FAF1: variants seen among roughly 807,000 people sequenced by gnomAD.
FAF1 encodes Fas associated factor 1, also known as FAS-associated factor 1.
A neutral mutation model predicts 92.5 loss-of-function variants in FAF1; 25 were observed. The ratio of observed to expected loss-of-function variants is 0.27; its 90% CI spans 0.20 to 0.38. The LOEUF (loss-of-function observed/expected upper bound fraction) is 0.38. Among genes scored for constraint, FAF1 ranks in the 10% least tolerant of loss-of-function variants. The pLI, the probability that FAF1 is intolerant of heterozygous loss-of-function variation, is 1.00. For synonymous variants in FAF1, 234 were observed against 273.2 expected, an observed-to-expected ratio of 0.86 and a Z score of 1.42; for missense variants, 636 against 793.3, an observed-to-expected ratio of 0.80 and a Z score of 2.38.
At chr1:50,621,999 C>T (rs1227222625) in intron 8 of FAF1, among the ~76,000 whole-genome samples, 1 of 151,844 alleles carries the variant, frequency 6.6e-6, no homozygotes, top group African/African-American at 2.4e-5. Context: ...AACCCAGTCT[C>T]TACTAAAAAT....
intron 7 of FAF1, among the ~76,000 whole-genome samples, chr1:50,676,563 G>A (rs1326135600): frequency 6.6e-6 from 1 of 152,142 alleles, no homozygotes; most frequent in African/African-American, 2.4e-5. Context: ...GCTCATGCCT[G>A]TAATCCCAGC....
chr1:50,717,397 T>C (rs1658221836), intron 6 of FAF1, among the ~76,000 whole-genome samples: 1 of 152,198 alleles, frequency 6.6e-6, no homozygotes, highest in Admixed American at 6.6e-5. Flanking sequence ...GAGGACACAA[T>C]GAGAAGGTGA....
intron 8 of FAF1, among the ~76,000 whole-genome samples, chr1:50,608,158 GA>G (rs1159187818): frequency 6.6e-6 from 1 of 152,208 alleles, no homozygotes; most frequent in Non-Finnish European, 1.5e-5. Flanking sequence ...AAATTTCTAG[GA>G]AAAGGGGGAT....
intron 9 of FAF1, among the ~76,000 whole-genome samples, chr1:50,591,019 A>G (rs1029454333): frequency 6.6e-6 from 1 of 151,612 alleles, no homozygotes; most frequent in East Asian, 1.9e-4. Flanking sequence ...GGTCATTCTT[A>G]TCTTGTTCCT....
At chr1:50,817,541 GA>G (rs1000249579) in intron 2 of FAF1, among the ~76,000 whole-genome samples, 1 of 152,176 alleles carries the variant, frequency 6.6e-6, no homozygotes, top group Non-Finnish European at 1.5e-5. Context: ...TTTAAAAGAT[GA>G]AAAGAGTTAG....
At chr1:50,560,360 G>C (rs1649844918) in intron 13 of FAF1, among the ~76,000 whole-genome samples, 1 of 152,236 alleles carries the variant, frequency 6.6e-6, no homozygotes, top group South Asian at 2.1e-4. Context: ...AGCAGCGGAA[G>C]TTTGCAGTGA....
rs995177877 is a variant in FAF1, at chr1:50,883,767, T to C, written c.46-25770A>G. Among the ~76,000 whole-genome samples, 10 of 152,328 alleles carry C rather than the reference T, an allele frequency of 6.6e-5. No homozygotes were observed. The South Asian group carries it at 2.1e-3, about 32-fold the overall frequency. ...TTCAGCATAACTAGGAAATTTTCAGTGTTGCCTGGATTTTAGAAGATATTA... is the reference window on the plus strand; with the variant it reads ...TTCAGCATAACTAGGAAATTTTCAGCGTTGCCTGGATTTTAGAAGATATTA... On this transcript the variant is annotated intron_variant, in intron 1 of 18. Coordinates refer to ENST00000396153, the MANE Select transcript of FAF1 (RefSeq NM_007051.3).
chr1:50,801,581 G>A, intron 3 of FAF1, 50 bp downstream of exon 3: 2 of 1,034,714 alleles, frequency 1.9e-6, no homozygotes, highest in Non-Finnish European at 3.0e-6. Flanking sequence ...AGCTAGCTCT[G>A]TTCTTTGTTC....
At chr1:50,782,235 T>C (rs1478448882) in intron 4 of FAF1, among the ~76,000 whole-genome samples, 2 of 152,134 alleles carry the variant, frequency 1.3e-5, no homozygotes, top group Admixed American at 1.3e-4. Context: ...TCAGGAAGTA[T>C]TCTAAAGGTA....
chr1:50,508,242 C>A (rs1326035855), intron 15 of FAF1, among the ~76,000 whole-genome samples: 1 of 151,998 alleles, frequency 6.6e-6, no homozygotes, highest in East Asian at 1.9e-4. Context: ...GGAATATGCC[C>A]CAAAGATCTG....
At chr1:50,849,927 G>A (rs1047423448) in intron 2 of FAF1, among the ~76,000 whole-genome samples, 3 of 152,030 alleles carry the variant, frequency 2.0e-5, no homozygotes, top group Non-Finnish European at 4.4e-5. Context: ...ACACACCCTA[G>A]CTGGAAATCA....
intron 1 of FAF1, among the ~76,000 whole-genome samples, chr1:50,919,827 G>A (rs1644949214): frequency 6.6e-6 from 1 of 152,140 alleles, no homozygotes; most frequent in South Asian, 2.1e-4. Context: ...CAATTAAGAG[G>A]AACTGTGATA....
chr1:50,578,265 C>T (rs999824968), intron 12 of FAF1, among the ~76,000 whole-genome samples: 1 of 152,110 alleles, frequency 6.6e-6, no homozygotes, highest in African/African-American at 2.4e-5. Flanking sequence ...TGTACCTCCC[C>T]TCCCACAGTT....
chr1:50,476,968 C>T lies in FAF1; in HGVS notation c.1654-1289G>A, dbSNP rs545103780. On this transcript the variant is annotated intron_variant, in intron 17 of 18. Transcript: ENST00000396153. Reference sequence around the variant, plus strand: ...GGTAACCTACAGAGGGTAGGGGAAACAAGGTGGAAGAGGTGACATCTGGTG... The same window carrying T: ...GGTAACCTACAGAGGGTAGGGGAAATAAGGTGGAAGAGGTGACATCTGGTG... Among the ~76,000 whole-genome samples, 5 of 152,174 alleles carry T rather than the reference C, an allele frequency of 3.3e-5. No homozygotes were observed. In the East Asian group the frequency reaches 9.6e-4, roughly 29 times the overall value.
At chr1:50,927,002 G>A (rs1460035627) in intron 1 of FAF1, among the ~76,000 whole-genome samples, 1 of 152,154 alleles carries the variant, frequency 6.6e-6, no homozygotes, top group Non-Finnish European at 1.5e-5. Context: ...AGTGAAACAA[G>A]CCAGACATAA....
intron 15 of FAF1, among the ~76,000 whole-genome samples, chr1:50,502,512 T>C (rs997598124): frequency 2.0e-5 from 3 of 152,204 alleles, no homozygotes; most frequent in Admixed American, 6.5e-5. Context: ...GTGAATTAGG[T>C]AAAAGTACAG....
intron 4 of FAF1, among the ~76,000 whole-genome samples, chr1:50,776,851 T>C (rs776311834): frequency 6.6e-6 from 1 of 152,158 alleles, no homozygotes; most frequent in Non-Finnish European, 1.5e-5. Context: ...TTAGCAATAC[T>C]ACTAAAAATC....
At chr1:50,485,081 G>A (rs577967858) in intron 17 of FAF1, among the ~76,000 whole-genome samples, 2 of 151,780 alleles carry the variant, frequency 1.3e-5, no homozygotes, top group African/African-American at 4.8e-5. Flanking sequence ...TTGTGCACAT[G>A]TACCCTAGAA....
chr1:50,570,874 A>G (rs1650405342), intron 12 of FAF1, among the ~76,000 whole-genome samples: 1 of 152,248 alleles, frequency 6.6e-6, no homozygotes, highest in South Asian at 2.1e-4. Flanking sequence ...AAGAGTGAGA[A>G]CTGGATTAAG....
Sources: gnomAD v4.1 joint callset for allele counts (sites outside exome capture counted in the v4.1 genomes callset) on GRCh38, gnomAD v4.1.1 for gene constraint, MANE v1.5 for transcripts, NCBI Gene and HGNC (gene_info 2026-07-23, HGNC 2026-07-21) for gene names.